Variants in GABRG3 observed in about 807,000 individuals in gnomAD.
GABRG3 encodes the protein gamma-aminobutyric acid type A receptor subunit gamma3.
Under a neutral mutation model 48.8 loss-of-function variants are expected in GABRG3, and 25 were observed. That is an observed-to-expected ratio of 0.51 (90% CI 0.37 to 0.72). The LOEUF is 0.72. GABRG3 is among the 30% of genes least tolerant of loss of function. GABRG3 has a pLI of 0.00. For missense variants in GABRG3, 394 were observed against 577.9 expected (o/e 0.68, Z 3.26); for synonymous variants, 227 against 217.6 (o/e 1.04, Z -0.38).
chr15:27,405,389 T>A (rs1887599867), intron 5 of GABRG3, among the ~76,000 whole-genome samples: 1 of 152,212 alleles, frequency 6.6e-6, no homozygotes, highest in Non-Finnish European at 1.5e-5. Flanking sequence ...TGACATGTCA[T>A]GCATGTTAGA....
At chr15:26,987,596 A>G (rs1829479188) in intron 2 of GABRG3, among the ~76,000 whole-genome samples, 1 of 152,200 alleles carries the variant, frequency 6.6e-6, no homozygotes, top group Non-Finnish European at 1.5e-5. Context: ...ACCTGGCATT[A>G]CGTCAGAACC....
intron 3 of GABRG3, among the ~76,000 whole-genome samples, chr15:27,089,313 G>A (rs936023265): frequency 4.6e-5 from 7 of 152,158 alleles, no homozygotes; most frequent in Admixed American, 3.9e-4. Context: ...TGGGAGGAGC[G>A]AGGTGGACCT....
rs1360560764 is a variant in GABRG3 at position 27,023,395 on chromosome 15, A to G, written c.203-3359A>G. Reference sequence around the variant, plus strand: ...GGTCTGTTCATATTGCTTTGTAGCCACCACCACCATCCATCTCCAGAACTC... The same window carrying G: ...GGTCTGTTCATATTGCTTTGTAGCCGCCACCACCATCCATCTCCAGAACTC... On this transcript the variant is annotated intron_variant, in intron 2 of 9. Coordinates refer to ENST00000615808, the MANE Select transcript of GABRG3 (RefSeq NM_033223.5). Among the ~76,000 whole-genome samples the G allele has an allele frequency of 2.0e-5, 3 of 152,158 alleles. No homozygotes were observed. The East Asian group carries it at 5.8e-4, about 29-fold the overall frequency.
Position 27,520,110 on chromosome 15 carries a change from C to T in GABRG3, c.851C>T (p.Ala284Val). The part of the protein sequence containing the change: ...SFWIKKDATP[A>V]RTALGITTVL... ...TGGATCAAAAAAGATGCTACGCCAG[C>T]AAGAACAGCATTAGGTGAGTTTCAA... The change falls in exon 7 of 10, where the codon GCA (alanine) becomes GTA (valine). Residue 284 changes from alanine to valine, a missense_variant. Physicochemically the swap from Ala to Val is moderately conservative, Grantham distance 64. This residue lies in a region of GABRG3 where 50 missense variants were observed against 112.5 expected (regional missense o/e 0.44). Coordinates refer to ENST00000615808, the MANE Select transcript of GABRG3 (RefSeq NM_033223.5). The T allele has an allele frequency of 6.2e-7, 1 of 1,603,896 alleles. No individual in the cohort carries two copies. Among genetic ancestry groups the T allele is most frequent in the Non-Finnish European group, 8.5e-7 (1 of 1,174,870 alleles).
intron 3 of GABRG3, among the ~76,000 whole-genome samples, chr15:27,182,985 T>A (rs1169684555): frequency 6.6e-6 from 1 of 152,230 alleles, no homozygotes; most frequent in East Asian, 1.9e-4. Flanking sequence ...ATAAAACTTC[T>A]GCTTTTACGA....
At chr15:27,387,925 A>G (rs1595720037) in intron 5 of GABRG3, among the ~76,000 whole-genome samples, 3 of 21,838 alleles carry the variant, frequency 1.4e-4, no homozygotes, top group African/African-American at 1.7e-4. Context: ...GGAAGGAGGG[A>G]GGGAGGGAGG....
At chr15:27,193,179 C>T (rs1255628498) in intron 3 of GABRG3, among the ~76,000 whole-genome samples, 6 of 152,242 alleles carry the variant, frequency 3.9e-5, no homozygotes, top group Non-Finnish European at 8.8e-5. Context: ...CAGGGACCCA[C>T]ATGAGGAGGC....
At chr15:27,350,229 C>G (rs1894515113) in intron 5 of GABRG3, 1 of 455,068 alleles carries the variant, frequency 2.2e-6, no homozygotes. Context: ...AGACTCGCTT[C>G]CATTCGTGGG....
intron 3 of GABRG3, among the ~76,000 whole-genome samples, chr15:27,088,401 G>C (rs1405705440): frequency 6.6e-6 from 1 of 152,076 alleles, no homozygotes; most frequent in Non-Finnish European, 1.5e-5. Context: ...CTCGTGGGAG[G>C]CAGGGCTGGG....
intron 5 of GABRG3, among the ~76,000 whole-genome samples, chr15:27,339,443 A>G (rs1894089748): frequency 6.6e-6 from 1 of 152,200 alleles, no homozygotes; most frequent in Non-Finnish European, 1.5e-5. Flanking sequence ...GTGGATGTTT[A>G]TCATCTCCTG....
intron 3 of GABRG3, among the ~76,000 whole-genome samples, chr15:27,109,168 C>T (rs993654000): frequency 6.6e-6 from 1 of 152,046 alleles, no homozygotes; most frequent in Non-Finnish European, 1.5e-5. Context: ...GATATATAAT[C>T]TTTTTAATTA....
chr15:26,988,570 T>A (rs577317484), intron 2 of GABRG3, among the ~76,000 whole-genome samples: 6 of 152,260 alleles, frequency 3.9e-5, no homozygotes, highest in Non-Finnish European at 8.8e-5. Flanking sequence ...TATAGGTGAA[T>A]CTTGCCTTTA....
chr15:27,286,054 C>A (rs528725123), intron 3 of GABRG3, among the ~76,000 whole-genome samples: 1 of 152,092 alleles, frequency 6.6e-6, no homozygotes, highest in Non-Finnish European at 1.5e-5. Flanking sequence ...TCATGGGGAT[C>A]GATCACAGAA....
At chr15:27,039,825 C>G (rs546695706) in intron 3 of GABRG3, among the ~76,000 whole-genome samples, 21 of 152,344 alleles carry the variant, frequency 1.4e-4, no homozygotes, top group African/African-American at 4.6e-4. Context: ...CGCGGTCCGC[C>G]ATTGAGGTTG....
At chr15:27,039,274 CCTGA>C (rs1220157243) in intron 3 of GABRG3, among the ~76,000 whole-genome samples, 5 of 152,164 alleles carry the variant, frequency 3.3e-5, no homozygotes, top group Non-Finnish European at 5.9e-5. Context: ...AGGATCAGGG[CCTGA>C]CTAAAGACTG....
chr15:27,258,135 G>T (rs927613454), intron 3 of GABRG3, among the ~76,000 whole-genome samples: 21 of 152,110 alleles, frequency 1.4e-4, no homozygotes, highest in Non-Finnish European at 2.9e-4. Flanking sequence ...CGAGGGCATT[G>T]TAAGGGAAAA....
intron 3 of GABRG3, among the ~76,000 whole-genome samples, chr15:27,116,328 G>A (rs546931246): frequency 2.0e-5 from 3 of 152,248 alleles, no homozygotes; most frequent in South Asian, 2.1e-4. Flanking sequence ...CATTTTTTCC[G>A]TAACAGTTAC....
chr15:27,395,478 A>G (rs9635413), intron 5 of GABRG3, among the ~76,000 whole-genome samples: 65,606 of 151,988 alleles, frequency 0.43, 15,010 homozygotes, highest in East Asian at 0.86. Context: ...AACACTACCT[A>G]ATTTTACCTA....
chr15:27,321,898 G>A (rs1398647782), intron 3 of GABRG3, among the ~76,000 whole-genome samples: 2 of 152,192 alleles, frequency 1.3e-5, no homozygotes, highest in Admixed American at 1.3e-4. Context: ...CGCGTGTCGC[G>A]GTAATTCGTG....
Sources: allele counts gnomAD v4.1 joint callset (sites outside exome capture counted in the v4.1 genomes callset), GRCh38; gene constraint gnomAD v4.1.1; regional missense constraint gnomAD v4.1.1; transcripts MANE v1.5; gene names NCBI Gene and HGNC (gene_info 2026-07-23, HGNC 2026-07-21).